The following SMARCAL1 variants were observed in gnomAD, a reference collection of about 807,000 sequenced individuals.
SMARCAL1 encodes ATP-driven annealing helicase.
Under a neutral mutation model 94.5 loss-of-function variants are expected in SMARCAL1, and 58 were observed. That is an observed-to-expected ratio of 0.61 (90% CI 0.50 to 0.76). SMARCAL1 has a LOEUF of 0.76. Ranked by LOEUF, SMARCAL1 falls within the 30% of genes least tolerant of loss-of-function variation. The probability of loss-of-function intolerance (pLI) is 0.00; values close to 1 mark genes in which losing one functional copy is unlikely to be tolerated. For synonymous variants in SMARCAL1, 422 were observed against 455.1 expected (o/e 0.93, Z 0.93); for missense variants, 1,051 against 1,177.9 (o/e 0.89, Z 1.58).
intron 4 of SMARCAL1, among the ~76,000 whole-genome samples, chr2:216,418,733 A>G (rs1413320816): frequency 6.6e-6 from 1 of 152,210 alleles, no homozygotes; most frequent in Non-Finnish European, 1.5e-5. Context: ...CTATGCGTTA[A>G]AATATAAAGT....
intron 4 of SMARCAL1, among the ~76,000 whole-genome samples, chr2:216,418,459 TCTC>T (rs1192029580): frequency 6.6e-6 from 1 of 152,236 alleles, no homozygotes; most frequent in African/African-American, 2.4e-5. Flanking sequence ...TTTGTGAATT[TCTC>T]CTTGTATTTC....
intron 8 of SMARCAL1, among the ~76,000 whole-genome samples, chr2:216,433,599 A>T (rs1470917369): frequency 6.6e-6 from 1 of 151,968 alleles, no homozygotes; most frequent in African/African-American, 2.4e-5. Flanking sequence ...TAGAGGGGGG[A>T]GTGAGTGGGA....
At chr2:216,418,322 A>G (rs1330172783) in intron 4 of SMARCAL1, among the ~76,000 whole-genome samples, 1 of 152,208 alleles carries the variant, frequency 6.6e-6, no homozygotes, top group East Asian at 1.9e-4. Context: ...GAGAAAAAAA[A>G]TTCTCCATAT....
chr2:216,426,441 A>G (rs1255077889), intron 6 of SMARCAL1, among the ~76,000 whole-genome samples: 1 of 152,236 alleles, frequency 6.6e-6, no homozygotes, highest in African/African-American at 2.4e-5. Context: ...AAAAATGCAC[A>G]TAATGGCCAC....
At chr2:216,462,552 G>C (rs552358837) in intron 12 of SMARCAL1, among the ~76,000 whole-genome samples, 1 of 152,192 alleles carries the variant, frequency 6.6e-6, no homozygotes, top group Non-Finnish European at 1.5e-5. Context: ...TACAAAATAG[G>C]AGGGTAGGTG....
intron 12 of SMARCAL1, among the ~76,000 whole-genome samples, chr2:216,464,396 C>G (rs139645829): frequency 6.6e-6 from 1 of 152,248 alleles, no homozygotes; most frequent in East Asian, 1.9e-4. Context: ...GCTCTAATGC[C>G]GTCTCTGAGG....
intron 10 of SMARCAL1, among the ~76,000 whole-genome samples, chr2:216,444,481 G>T (rs1694262096): frequency 6.6e-6 from 1 of 151,730 alleles, no homozygotes; most frequent in Non-Finnish European, 1.5e-5. Flanking sequence ...TTCTACAGTA[G>T]AACATTCTCT....
intron 6 of SMARCAL1, among the ~76,000 whole-genome samples, chr2:216,424,777 G>GAACT (rs1693795116): frequency 6.6e-6 from 1 of 152,176 alleles, no homozygotes; most frequent in Non-Finnish European, 1.5e-5. Flanking sequence ...AACTTGCTGT[G>GAACT]AACTACATGA....
At chr2:216,419,425 A>G (rs777992582) in intron 4 of SMARCAL1, among the ~76,000 whole-genome samples, 1 of 150,790 alleles carries the variant, frequency 6.6e-6, no homozygotes, top group Non-Finnish European at 1.5e-5. Flanking sequence ...TTTTCCTTTC[A>G]CTCCAGTGTG....
intron 11 of SMARCAL1, among the ~76,000 whole-genome samples, chr2:216,450,249 T>C (rs1004922485): frequency 3.3e-5 from 5 of 152,220 alleles, no homozygotes; most frequent in Admixed American, 6.5e-5. Flanking sequence ...AAGGACTGCC[T>C]AGGCCCTTAG....
At chr2:216,469,675 G>T (rs1694919689) in intron 14 of SMARCAL1, among the ~76,000 whole-genome samples, 1 of 152,136 alleles carries the variant, frequency 6.6e-6, no homozygotes, top group Non-Finnish European at 1.5e-5. Context: ...GAATATTATA[G>T]TAGGTGTATG....
At chr2:216,459,974 C>CA (rs1694659409) in intron 12 of SMARCAL1, among the ~76,000 whole-genome samples, 1 of 152,064 alleles carries the variant, frequency 6.6e-6, no homozygotes, top group African/African-American at 2.4e-5. Flanking sequence ...ACAAAGAACT[C>CA]AAACAAATTT....
At chr2:216,457,755 C>T (rs1467476693) in intron 12 of SMARCAL1, among the ~76,000 whole-genome samples, 1 of 152,074 alleles carries the variant, frequency 6.6e-6, no homozygotes, top group Non-Finnish European at 1.5e-5. Flanking sequence ...AAAATTGACA[C>T]CCTAACATCA....
At position 216,414,743 on chromosome 2, in the gene SMARCAL1, T is replaced by C; in HGVS notation, c.39T>C (p.Ile13=). The C allele has an allele frequency of 6.2e-7, 1 of 1,614,178 alleles. No homozygotes were observed. The highest frequency in any genetic ancestry group is 8.5e-7 in the Non-Finnish European group (1 of 1,180,042). The change falls in exon 3 of 18, where the codon ATT becomes ATC. Residue 13 remains isoleucine, a synonymous_variant. Transcript: ENST00000357276. ...LPLTEEQRKK[I]EENRQKALAR... is the part of the protein sequence containing the mutation. ...TTACAGAGGAGCAGAGGAAAAAGATTGAAGAGAATCGACAAAAGGCTCTGG... is the reference window on the plus strand; with the variant it reads ...TTACAGAGGAGCAGAGGAAAAAGATCGAAGAGAATCGACAAAAGGCTCTGG...
At chr2:216,471,850 A>T (rs1192038102) in intron 14 of SMARCAL1, among the ~76,000 whole-genome samples, 1 of 152,256 alleles carries the variant, frequency 6.6e-6, no homozygotes, top group Admixed American at 6.5e-5. Context: ...CTAAGTTTTT[A>T]TCAACAGATA....
intron 12 of SMARCAL1, among the ~76,000 whole-genome samples, chr2:216,460,888 C>A (rs10207455): frequency 0.24 from 36,526 of 151,844 alleles, 5,411 homozygotes; most frequent in Non-Finnish European, 0.32. Flanking sequence ...TTTGAATGGA[C>A]AAATGAACTG....
chr2:216,457,000 C>A (rs991041049), intron 12 of SMARCAL1, among the ~76,000 whole-genome samples: 23 of 152,148 alleles, frequency 1.5e-4, no homozygotes, highest in African/African-American at 5.6e-4. Flanking sequence ...GGAGGAAGAT[C>A]TACCAAGCAA....
chr2:216,419,092 T>A (rs1693660704), intron 4 of SMARCAL1, among the ~76,000 whole-genome samples: 2 of 152,358 alleles, frequency 1.3e-5, no homozygotes, highest in South Asian at 4.1e-4. Context: ...CCTAAGTTTT[T>A]GTCTGTATTT....
intron 11 of SMARCAL1, among the ~76,000 whole-genome samples, chr2:216,448,080 C>T (rs1245064187): frequency 6.6e-6 from 1 of 152,180 alleles, no homozygotes; most frequent in Admixed American, 6.5e-5. Flanking sequence ...TATCCACTTA[C>T]ATTCAAACGA....
Sources: gnomAD v4.1 joint callset for allele counts (sites outside exome capture counted in the v4.1 genomes callset) on GRCh38, gnomAD v4.1.1 for gene constraint, MANE v1.5 for transcripts, NCBI Gene and HGNC (gene_info 2026-07-23, HGNC 2026-07-21) for gene names.